Variants in OSBPL5 observed in about 807,000 individuals in gnomAD.
The protein encoded by OSBPL5 is oxysterol binding protein like 5, also known as oxysterol-binding protein-related protein 5.
OSBPL5 carries 71 observed loss-of-function variants against 111.2 expected under a neutral mutation model. That is an observed-to-expected ratio of 0.64 (90% CI 0.53 to 0.78). OSBPL5 has a LOEUF of 0.78. Among genes scored for constraint, OSBPL5 ranks in the 30% least tolerant of loss-of-function variants. The probability of loss-of-function intolerance (pLI) is 0.00; values close to 1 mark genes in which losing one functional copy is unlikely to be tolerated. For synonymous variants in OSBPL5, 549 were observed against 513.9 expected (o/e 1.07, Z -0.93); for missense variants, 1,210 against 1,189.3 (o/e 1.02, Z -0.26).
chr11:3,146,935 G>C lies in OSBPL5; in HGVS notation c.-21-17766C>G, dbSNP rs148610924. Among the ~76,000 whole-genome samples, 1 of 152,252 alleles carries C rather than the reference G, an allele frequency of 6.6e-6. No homozygotes were observed. Among genetic ancestry groups the C allele is most frequent in the East Asian group, 1.9e-4 (1 of 5,170 alleles). ...CTTCACGAGGGGCTGGGATTTTAGA[G>C]GTGGCTCAGCTGAGGGCACGGGGGC... On this transcript the variant is annotated intron_variant, in intron 1 of 21. Coordinates refer to ENST00000263650, the MANE Select transcript of OSBPL5 (RefSeq NM_020896.4). This position sits in a 1 kb window ranked among gnomAD's most constrained non-coding sequence, Gnocchi z 7.8.
At position 3,140,755 on chromosome 11, in the gene OSBPL5, C is replaced by G. The variant is rs896860669; in HGVS notation, c.-21-11586G>C. On this transcript the variant is annotated intron_variant, in intron 1 of 21. Transcript: ENST00000263650. The surrounding 1 kb of genome is among the most constrained non-coding windows in gnomAD (Gnocchi z 4.5). ...TGCCCACACGTCCCATCCTAGTCCT[C>G]CTTGGGGTATGTGGGTACCTGGGGC... Among the ~76,000 whole-genome samples the G allele has an allele frequency of 6.6e-6, 1 of 152,190 alleles. No individual in the cohort carries two copies. The highest frequency in any genetic ancestry group is 1.5e-5 in the Non-Finnish European group (1 of 68,024).
chr11:3,090,524 C>T (rs754610103), intron 20 of OSBPL5, 34 bp downstream of exon 20: 230 of 1,601,812 alleles, frequency 1.4e-4, no homozygotes, highest in Non-Finnish European at 1.9e-4. Context: ...CCCCACCAGA[C>T]AGAGGCCTTG....
chr11:3,113,185 T>C lies in OSBPL5; in HGVS notation c.692-5240A>G, dbSNP rs535391939. On this transcript the variant is annotated intron_variant, in intron 7 of 21. Transcript: ENST00000263650. This position sits in a 1 kb window ranked among gnomAD's most constrained non-coding sequence, Gnocchi z 4.8. The stretch of plus-strand genomic sequence containing the variant: ...TATGTAACTTAAATAAAATCTTTAA[T>C]AAATAAGCTAGCTTTAAAATTATTG... Among the ~76,000 whole-genome samples the C allele has an allele frequency of 1.3e-5, 2 of 152,318 alleles. No homozygotes were observed. Among genetic ancestry groups the C allele is most frequent in the South Asian group, 4.1e-4 (2 of 4,824 alleles).
At chr11:3,119,864 C>A in intron 6 of OSBPL5, 1 of 523,246 alleles carries the variant, frequency 1.9e-6, no homozygotes, top group Non-Finnish European at 3.3e-6. Flanking sequence ...CTCAGCTTTC[C>A]AGCTCTGAGC....
intron 7 of OSBPL5, among the ~76,000 whole-genome samples, chr11:3,112,468 G>C (rs1227532560): frequency 8.5e-6 from 1 of 117,650 alleles, no homozygotes; most frequent in Non-Finnish European, 1.7e-5. Context: ...CCTGTTTTGT[G>C]TTTTCTTTTC....
At chr11:3,136,942 G>C (rs933040886) in intron 1 of OSBPL5, among the ~76,000 whole-genome samples, 1 of 152,242 alleles carries the variant, frequency 6.6e-6, no homozygotes, top group East Asian at 1.9e-4. Flanking sequence ...CTGTGGAGGG[G>C]AAATGCTCTA....
intron 1 of OSBPL5, among the ~76,000 whole-genome samples, chr11:3,144,317 G>A (rs1052232038): frequency 6.6e-6 from 1 of 152,184 alleles, no homozygotes. Flanking sequence ...GCAGTGTGAG[G>A]TGCCCTCGAC....
At chr11:3,100,810 G>A (rs1488720919) in intron 13 of OSBPL5, among the ~76,000 whole-genome samples, 3 of 152,016 alleles carry the variant, frequency 2.0e-5, no homozygotes, top group Non-Finnish European at 4.4e-5. Flanking sequence ...AAATGTAAAC[G>A]GACACTTTTC....
intron 19 of OSBPL5, among the ~76,000 whole-genome samples, chr11:3,091,778 C>T (rs2134381871): frequency 6.6e-6 from 1 of 152,284 alleles, no homozygotes; most frequent in Middle Eastern, 3.4e-3. Context: ...GGCCATCAGG[C>T]AAGCAAGGCC....
intron 1 of OSBPL5, among the ~76,000 whole-genome samples, chr11:3,152,482 G>C (rs181788507): frequency 3.9e-5 from 6 of 152,246 alleles, no homozygotes; most frequent in Admixed American, 1.3e-4. Context: ...ACAGGAGAAG[G>C]CTCCTGTGTT....
At chr11:3,099,505 A>G (rs1034299538) in intron 14 of OSBPL5, among the ~76,000 whole-genome samples, 1 of 152,144 alleles carries the variant, frequency 6.6e-6, no homozygotes, top group Non-Finnish European at 1.5e-5. Flanking sequence ...TTCCTGCTCA[A>G]TTTTTCTGTA....
chr11:3,103,819 C>T (rs112148971), intron 10 of OSBPL5, among the ~76,000 whole-genome samples: 17,757 of 42,538 alleles, frequency 0.42, 2,025 homozygotes, highest in African/African-American at 0.46. Context: ...TTCCTGCCTG[C>T]GCAGCCCCCT....
At chr11:3,098,897 T>C (rs1413520995) in intron 14 of OSBPL5, among the ~76,000 whole-genome samples, 1 of 151,222 alleles carries the variant, frequency 6.6e-6, no homozygotes, top group Non-Finnish European at 1.5e-5. Context: ...CTCTGCCCCC[T>C]GGGCTCAGGT....
chr11:3,092,756 C>T lies in OSBPL5; in HGVS notation c.2132+111G>A. 1 of 1,397,980 alleles carries T rather than the reference C, an allele frequency of 7.2e-7. No homozygotes were observed. Among genetic ancestry groups the T allele is most frequent in the South Asian group, 1.5e-5 (1 of 68,576 alleles). The allele number at this position is 1,397,980 out of a possible 1,614,324, so 86.6% of individuals were successfully genotyped here. On this transcript the variant is annotated intron_variant, in intron 18 of 21. Coordinates refer to ENST00000263650, the MANE Select transcript of OSBPL5 (RefSeq NM_020896.4). The surrounding 1 kb of genome is among the most constrained non-coding windows in gnomAD (Gnocchi z 5.4). ...ATCTGACCCTCCCCCACCGACTCCT[C>T]CAGGGGACAGGCTGAAGGTGAGAGG...
Position 3,103,756 on chromosome 11 carries a change from GC to G in OSBPL5, c.1244+436del, listed in dbSNP as rs1198676017. 2.6e-3 allele frequency among the ~76,000 whole-genome samples: 145 copies of G among 56,834 alleles called. 1 individual carries two copies. The highest frequency in any genetic ancestry group is 5.3e-3 in the African/African-American group (87 of 16,520). 37.3% of individuals were successfully genotyped at this position (56,834 alleles called of 152,430 possible). ...TTCCTGCCTCTGCAACCCTCTTCCA[GC>G]TCTGCAGCCCCCTTCCAGCCTCTGC... On this transcript the variant is annotated intron_variant, in intron 10 of 21. Transcript: ENST00000263650.
At position 3,088,286 on chromosome 11, in the gene OSBPL5, G is replaced by A. The variant is rs1199755293; in HGVS notation, c.2559C>T (p.Gly853=). 1 of 1,607,850 alleles carries A rather than the reference G, an allele frequency of 6.2e-7. No individual in the cohort carries two copies. The highest frequency in any genetic ancestry group is 1.7e-5 in the Admixed American group (1 of 59,316). ...TARAAQAPTP[G]LLQSPRSWFL... is the part of the protein sequence containing the mutation. ...ACCAGGATCGGGGGCTCTGCAGGAG[G>A]CCTGGGGTCGGTGCCTGTGCTGCCC... The change falls in exon 22 of 22, where the codon GGC becomes GGT. Residue 853 remains glycine (G), a synonymous_variant. Coordinates refer to ENST00000263650, the MANE Select transcript of OSBPL5 (RefSeq NM_020896.4).
rs139554363 is a variant in OSBPL5, at chr11:3,162,816, C to A, written c.-22+2400G>T. On this transcript the variant is annotated intron_variant, in intron 1 of 21. Transcript: ENST00000263650. The surrounding 1 kb of genome is among the most constrained non-coding windows in gnomAD (Gnocchi z 8.1). ...AGAACAATATTCTTTTCCTTTGTGC[C>A]GGTCACAAGCAGCATGAGGACATCC... 8.3e-3 allele frequency among the ~76,000 whole-genome samples: 1,259 copies of A among 152,178 alleles called. 24 individuals are homozygous for A. The highest frequency in any genetic ancestry group is 0.029 in the African/African-American group (1,200 of 41,512).
chr11:3,092,327 G>A lies in OSBPL5; in HGVS notation c.2259+105C>T. 5.0e-6 allele frequency: 7 copies of A among 1,403,334 alleles called. No individual in the cohort carries two copies. The highest frequency in any genetic ancestry group is 6.6e-6 in the Non-Finnish European group (7 of 1,063,766). The allele number at this position is 1,403,334 out of a possible 1,614,324, so 86.9% of individuals were successfully genotyped here. On this transcript the variant is annotated intron_variant, in intron 19 of 21. Coordinates refer to ENST00000263650, the MANE Select transcript of OSBPL5 (RefSeq NM_020896.4). This position sits in a 1 kb window ranked among gnomAD's most constrained non-coding sequence, Gnocchi z 5.4. ...GGGGGCTGGGGGATGAGGGCGTGAGGGAAACGGAGCGAGGGGAAGGGAGGA... is the reference window on the plus strand; with the variant it reads ...GGGGGCTGGGGGATGAGGGCGTGAGAGAAACGGAGCGAGGGGAAGGGAGGA...
At chr11:3,152,927 C>T (rs140978254) in intron 1 of OSBPL5, among the ~76,000 whole-genome samples, 22 of 152,310 alleles carry the variant, frequency 1.4e-4, no homozygotes, top group African/African-American at 5.1e-4. Context: ...CGTCCGCTCC[C>T]GGTTTGCTCA....
Sources: gnomAD v4.1 joint callset for allele counts (sites outside exome capture counted in the v4.1 genomes callset) on GRCh38, gnomAD v4.1.1 for gene constraint, Gnocchi (gnomAD v3.1) non-coding constraint, MANE v1.5 for transcripts, NCBI Gene and HGNC (gene_info 2026-07-23, HGNC 2026-07-21) for gene names.